ROBO2: variants seen among roughly 807,000 people sequenced by gnomAD.
The protein encoded by ROBO2 is roundabout guidance receptor 2, also known as roundabout homolog 2.
A neutral mutation model predicts 160.8 loss-of-function variants in ROBO2; 53 were observed. The observed-to-expected ratio is 0.33, with a 90% CI of 0.26 to 0.41. ROBO2 has a LOEUF of 0.41. ROBO2 is among the 10% of genes least tolerant of loss of function. ROBO2 has a pLI of 1.00. For missense variants in ROBO2, 1,577 were observed against 1,722.4 expected, an observed-to-expected ratio of 0.92 and a Z score of 1.49; for synonymous variants, 664 against 611.7, an observed-to-expected ratio of 1.09 and a Z score of -1.26.
chr3:76,294,572 T>A (rs1708973976), intron 2 of ROBO2, among the ~76,000 whole-genome samples: 1 of 152,160 alleles, frequency 6.6e-6, no homozygotes, highest in African/African-American at 2.4e-5. Flanking sequence ...TTCTTTTGTA[T>A]CCTAGAGCCA....
At chr3:75,985,488 A>G (rs1013163878) in intron 2 of ROBO2, among the ~76,000 whole-genome samples, 8 of 151,600 alleles carry the variant, frequency 5.3e-5, no homozygotes. Context: ...GCATTGTACT[A>G]TGACATGATA....
At chr3:77,403,618 ATTT>A (rs61619623) in intron 2 of ROBO2, among the ~76,000 whole-genome samples, 3,806 of 134,668 alleles carry the variant, frequency 0.028, 188 homozygotes, top group African/African-American at 0.095. Context: ...GTGTGTGTGT[ATTT>A]TTTTTTTTAT....
At chr3:76,590,571 A>G (rs894636979) in intron 2 of ROBO2, among the ~76,000 whole-genome samples, 4 of 152,174 alleles carry the variant, frequency 2.6e-5, no homozygotes, top group African/African-American at 4.8e-5. Flanking sequence ...AGTTTGTAGC[A>G]TGTTATGTAA....
chr3:77,259,128 C>CTGCG (rs1186320976), intron 2 of ROBO2, among the ~76,000 whole-genome samples: 1 of 152,226 alleles, frequency 6.6e-6, no homozygotes. Flanking sequence ...TTTAACGACT[C>CTGCG]TGCGCTCTGT....
At chr3:77,210,275 T>G (rs968597732) in intron 2 of ROBO2, among the ~76,000 whole-genome samples, 1 of 152,150 alleles carries the variant, frequency 6.6e-6, no homozygotes, top group Non-Finnish European at 1.5e-5. Flanking sequence ...AGCCATTTTC[T>G]TCTAGTAATT....
intron 2 of ROBO2, among the ~76,000 whole-genome samples, chr3:76,307,485 G>A (rs1260367673): frequency 2.0e-5 from 3 of 151,754 alleles, no homozygotes; most frequent in East Asian, 3.9e-4. Context: ...CTTTGAGCAC[G>A]AGTAGGTGGT....
chr3:77,273,844 C>A (rs1282646150), intron 2 of ROBO2, among the ~76,000 whole-genome samples: 1 of 152,174 alleles, frequency 6.6e-6, no homozygotes, highest in Non-Finnish European at 1.5e-5. Context: ...CGATGGTCTG[C>A]ATCACCATCG....
chr3:77,612,624 A>C (rs1208550090), intron 21 of ROBO2, among the ~76,000 whole-genome samples: 2 of 151,920 alleles, frequency 1.3e-5, no homozygotes, highest in Admixed American at 6.6e-5. Context: ...AATTATCTTC[A>C]CACACACACA....
chr3:76,297,995 C>G (rs1005646784), intron 2 of ROBO2, among the ~76,000 whole-genome samples: 3 of 152,042 alleles, frequency 2.0e-5, no homozygotes, highest in Non-Finnish European at 4.4e-5. Context: ...AAGTGCTGAG[C>G]CCAGGTGGAT....
chr3:77,011,302 G>GT (rs748791734), intron 2 of ROBO2, among the ~76,000 whole-genome samples: 26 of 152,024 alleles, frequency 1.7e-4, no homozygotes, highest in Non-Finnish European at 3.2e-4. Context: ...CTCCCCTATA[G>GT]TAGGCCTTCA....
intron 2 of ROBO2, among the ~76,000 whole-genome samples, chr3:77,009,362 A>T (rs2061745960): frequency 6.6e-6 from 1 of 152,292 alleles, no homozygotes. Context: ...TTAAATTTAG[A>T]GTAAATATTC....
chr3:76,648,105 T>G (rs1002748113), intron 2 of ROBO2, among the ~76,000 whole-genome samples: 1 of 152,124 alleles, frequency 6.6e-6, no homozygotes, highest in Non-Finnish European at 1.5e-5. Flanking sequence ...ATAGCATGTT[T>G]TTGGGATATT....
At chr3:76,019,526 A>C (rs1157043357) in intron 2 of ROBO2, among the ~76,000 whole-genome samples, 2 of 151,838 alleles carry the variant, frequency 1.3e-5, no homozygotes, top group Non-Finnish European at 2.9e-5. Flanking sequence ...TGGCCTCCCC[A>C]CATGGTTCAG....
chr3:77,297,133 G>A (rs1263317098), intron 2 of ROBO2, among the ~76,000 whole-genome samples: 1 of 151,980 alleles, frequency 6.6e-6, no homozygotes, highest in Non-Finnish European at 1.5e-5. Context: ...TCAATTCTGG[G>A]TCTTCCAGCC....
intron 2 of ROBO2, among the ~76,000 whole-genome samples, chr3:76,010,420 AT>A (rs2066160657): frequency 1.3e-5 from 2 of 152,276 alleles, no homozygotes; most frequent in Admixed American, 1.3e-4. Context: ...TGGAGGTATG[AT>A]TTCCCTGCAT....
intron 2 of ROBO2, among the ~76,000 whole-genome samples, chr3:77,224,224 T>C (rs186028964): frequency 6.6e-6 from 1 of 151,896 alleles, no homozygotes; most frequent in East Asian, 1.9e-4. Flanking sequence ...GTAAAAGGAG[T>C]TTTTGAACCT....
intron 2 of ROBO2, among the ~76,000 whole-genome samples, chr3:76,130,343 C>T (rs776544388): frequency 1.3e-5 from 2 of 152,000 alleles, no homozygotes; most frequent in African/African-American, 4.8e-5. Context: ...TTTGTTTATG[C>T]CGCTATAATT....
intron 2 of ROBO2, among the ~76,000 whole-genome samples, chr3:76,896,351 G>T (rs1250617074): frequency 6.6e-6 from 1 of 151,994 alleles, no homozygotes; most frequent in Non-Finnish European, 1.5e-5. Flanking sequence ...CAATCTTTGA[G>T]CTCTTCATTT....
chr3:76,582,112 CTAAT>C (rs1162290262), intron 2 of ROBO2, among the ~76,000 whole-genome samples: 2 of 152,118 alleles, frequency 1.3e-5, no homozygotes, highest in African/African-American at 4.8e-5. Context: ...GTCCTGAGAA[CTAAT>C]TAGTCTGATT....
Sources: gnomAD v4.1 joint callset for allele counts (sites outside exome capture counted in the v4.1 genomes callset) on GRCh38, gnomAD v4.1.1 for gene constraint, MANE v1.5 for transcripts, NCBI Gene and HGNC (gene_info 2026-07-23, HGNC 2026-07-21) for gene names.